Variants in SMYD4 observed in about 807,000 individuals in gnomAD.
The protein encoded by SMYD4 is SET and MYND domain containing 4.
A neutral mutation model predicts 72.8 loss-of-function variants in SMYD4; 68 were observed. That is an observed-to-expected ratio of 0.93 (90% CI 0.77 to 1.14). The LOEUF is 1.14. Among genes scored for constraint, SMYD4 ranks in the 50% most tolerant of loss-of-function variants. The pLI, the probability that SMYD4 is intolerant of heterozygous loss-of-function variation, is 0.00. For missense variants in SMYD4, 984 were observed against 1,003.7 expected (o/e 0.98, Z 0.27); for synonymous variants, 407 against 388.6 (o/e 1.05, Z -0.56).
intron 2 of SMYD4, among the ~76,000 whole-genome samples, chr17:1,825,188 A>AAAGGAT (rs1258233385): frequency 2.0e-5 from 3 of 152,198 alleles, no homozygotes; most frequent in Non-Finnish European, 1.5e-5. Flanking sequence ...AGCACTGGGG[A>AAAGGAT]AAGGATGCGT....
chr17:1,793,708 G>T (rs1909183190), intron 5 of SMYD4, among the ~76,000 whole-genome samples: 1 of 151,870 alleles, frequency 6.6e-6, no homozygotes, highest in Non-Finnish European at 1.5e-5. Context: ...GAGAAACTGT[G>T]GTCATGTTTG....
rs758411561 is a variant in SMYD4 at position 1,827,846 on chromosome 17, G to A, written c.134+15C>T. 6 of 1,590,220 alleles carry A rather than the reference G, an allele frequency of 3.8e-6. No homozygotes were observed. In the African/African-American group the frequency reaches 8.0e-5, roughly 21 times the overall value. On this transcript the variant is annotated intron_variant, in intron 2 of 10. Transcript: ENST00000305513. ...TTTGGCTCACAATTCCCTTGTTAAA[G>A]CTTGATTTACTTACTGAAGAAGTGA...
intron 3 of SMYD4, among the ~76,000 whole-genome samples, chr17:1,805,031 T>C (rs896206756): frequency 6.6e-6 from 1 of 151,982 alleles, no homozygotes; most frequent in African/African-American, 2.4e-5. Flanking sequence ...GTGGCACAAA[T>C]AGAAATTCAC....
At chr17:1,818,691 C>T (rs1216838951) in intron 2 of SMYD4, among the ~76,000 whole-genome samples, 1 of 151,986 alleles carries the variant, frequency 6.6e-6, no homozygotes, top group Non-Finnish European at 1.5e-5. Flanking sequence ...ACAGGTCTCA[C>T]TTCCATTGCT....
chr17:1,790,399 A>C (rs1908956255), intron 5 of SMYD4, among the ~76,000 whole-genome samples: 1 of 152,240 alleles, frequency 6.6e-6, no homozygotes, highest in African/African-American at 2.4e-5. Context: ...GATAATAGAA[A>C]GTGAGAATAT....
At chr17:1,813,919 T>C (rs994517990) in intron 2 of SMYD4, among the ~76,000 whole-genome samples, 1 of 152,150 alleles carries the variant, frequency 6.6e-6, no homozygotes, top group African/African-American at 2.4e-5. Flanking sequence ...TTGACTATAA[T>C]GCCATAAAGT....
At chr17:1,807,989 C>G (rs1910130609) in intron 3 of SMYD4, among the ~76,000 whole-genome samples, 1 of 152,140 alleles carries the variant, frequency 6.6e-6, no homozygotes, top group Non-Finnish European at 1.5e-5. Flanking sequence ...ATCATCACAA[C>G]CAGTACTGCT....
chr17:1,791,105 C>G (rs1230697375), intron 5 of SMYD4, among the ~76,000 whole-genome samples: 6 of 109,810 alleles, frequency 5.5e-5, no homozygotes, highest in African/African-American at 2.1e-4. Context: ...CCAGCCTGGG[C>G]TGGCCCGTCT....
At chr17:1,788,019 G>C (rs924571715) in intron 5 of SMYD4, among the ~76,000 whole-genome samples, 4 of 152,132 alleles carry the variant, frequency 2.6e-5, no homozygotes, top group Admixed American at 2.0e-4. Flanking sequence ...TCTGGTCTTT[G>C]GTTGGTTAAC....
intron 8 of SMYD4, chr17:1,783,902 C>G (rs530612791): frequency 1.0e-5 from 3 of 291,022 alleles, no homozygotes; most frequent in Non-Finnish European, 1.3e-5. Context: ...GCAAGACACT[C>G]CTATCAGCTG....
At chr17:1,793,359 A>G (rs1340700145) in intron 5 of SMYD4, among the ~76,000 whole-genome samples, 1 of 151,354 alleles carries the variant, frequency 6.6e-6, no homozygotes, top group Non-Finnish European at 1.5e-5. Context: ...ACTTGTTCAC[A>G]ATTCTGTACC....
intron 8 of SMYD4, 27 bp downstream of exon 8, chr17:1,784,299 A>C: frequency 6.2e-7 from 1 of 1,613,738 alleles, no homozygotes; most frequent in Non-Finnish European, 8.5e-7. Flanking sequence ...AAGGGGCTGG[A>C]GGACCAAAGC....
chr17:1,820,056 G>A (rs1910815904), intron 2 of SMYD4, among the ~76,000 whole-genome samples: 1 of 152,176 alleles, frequency 6.6e-6, no homozygotes, highest in African/African-American at 2.4e-5. Context: ...CCAAAGGGCT[G>A]GGATTACAGG....
At chr17:1,810,316 T>C (rs973641800) in intron 3 of SMYD4, among the ~76,000 whole-genome samples, 1 of 152,086 alleles carries the variant, frequency 6.6e-6, no homozygotes, top group African/African-American at 2.4e-5. Flanking sequence ...GGTCTCACTC[T>C]GTCACCCAGG....
chr17:1,808,165 T>C (rs1910139530), intron 3 of SMYD4, among the ~76,000 whole-genome samples: 1 of 152,208 alleles, frequency 6.6e-6, no homozygotes, highest in Admixed American at 6.6e-5. Flanking sequence ...CAATCAGATA[T>C]ATACACATAT....
chr17:1,816,658 C>G (rs112581628), intron 2 of SMYD4, among the ~76,000 whole-genome samples: 192 of 151,542 alleles, frequency 1.3e-3, no homozygotes, highest in African/African-American at 3.8e-3. Context: ...ATGGAGTCTC[C>G]CTTTGTCGCC....
chr17:1,801,768 T>C (rs1378354567), intron 4 of SMYD4, among the ~76,000 whole-genome samples: 1 of 149,988 alleles, frequency 6.7e-6, no homozygotes, highest in Admixed American at 6.7e-5. Context: ...CGAGGTCAGG[T>C]GATCGAGACC....
At chr17:1,784,781 T>C (rs1908563279) in intron 7 of SMYD4, among the ~76,000 whole-genome samples, 1 of 151,784 alleles carries the variant, frequency 6.6e-6, no homozygotes, top group African/African-American at 2.4e-5. Context: ...CAAACATTTC[T>C]TTTTTTTGAG....
In SMYD4 at chr17:1,800,878, GTTCCT is replaced by G. The variant is rs1396200465; in HGVS notation, c.511_515del (p.Arg171LeufsTer45). 6.2e-7 allele frequency: 1 copy of G among 1,614,182 alleles called. No homozygotes were observed. Among genetic ancestry groups the G allele is most frequent in the Admixed American group, 1.7e-5 (1 of 60,018 alleles). ...CTGCTAGGGCTGGTGTGGCTGTGAA[GTTCCT>G]TTCAAGATCACTGATGGTCTGGCTT... On this transcript the variant is annotated frameshift_variant, in exon 5 of 11. Transcript: ENST00000305513. LOFTEE classifies it high-confidence loss of function.
Sources: allele counts gnomAD v4.1 joint callset (sites outside exome capture counted in the v4.1 genomes callset), GRCh38; gene constraint gnomAD v4.1.1; transcripts MANE v1.5; gene names NCBI Gene and HGNC (gene_info 2026-07-23, HGNC 2026-07-21).